The following PALM2AKAP2 variants were observed in gnomAD, a reference collection of about 807,000 sequenced individuals.
PALM2AKAP2 encodes the protein PALM2 and AKAP2 fusion, also known as PALM2-AKAP2 fusion protein.
Under a neutral mutation model 71.5 loss-of-function variants are expected in PALM2AKAP2, and 37 were observed. That is an observed-to-expected ratio of 0.52 (90% CI 0.40 to 0.68). PALM2AKAP2 has a LOEUF of 0.68. Ranked by LOEUF, PALM2AKAP2 falls within the 30% of genes least tolerant of loss-of-function variation. PALM2AKAP2 has a pLI of 0.00. For missense variants in PALM2AKAP2, 1,224 were observed against 1,191.8 expected, an observed-to-expected ratio of 1.03 and a Z score of -0.40; for synonymous variants, 468 against 478.8, an observed-to-expected ratio of 0.98 and a Z score of 0.29.
chr9:109,679,244 G>T (rs928585957), intron 1 of PALM2AKAP2, among the ~76,000 whole-genome samples: 7 of 152,214 alleles, frequency 4.6e-5, no homozygotes, highest in African/African-American at 1.7e-4. Flanking sequence ...GGTATTCTCA[G>T]AAATAGCTGT....
At chr9:109,943,700 G>A (rs527864982) in intron 6 of PALM2AKAP2, 2 of 389,352 alleles carry the variant, frequency 5.1e-6, no homozygotes, top group South Asian at 4.3e-5. Flanking sequence ...CGATTGGAAT[G>A]GACTCTTCGT....
intron 1 of PALM2AKAP2, among the ~76,000 whole-genome samples, chr9:109,717,691 C>A (rs1421707254): frequency 6.6e-6 from 1 of 152,238 alleles, no homozygotes; most frequent in Admixed American, 6.5e-5. Context: ...GGCTCACAAG[C>A]CCAGCAGGAG....
chr9:109,958,718 A>G (rs1831794859), intron 6 of PALM2AKAP2, among the ~76,000 whole-genome samples: 2 of 152,072 alleles, frequency 1.3e-5, no homozygotes, highest in South Asian at 4.2e-4. Flanking sequence ...AGGAAGGAAA[A>G]GAAAGAGAAA....
chr9:109,804,155 C>T (rs149696368), intron 1 of PALM2AKAP2, among the ~76,000 whole-genome samples: 8 of 152,286 alleles, frequency 5.3e-5, no homozygotes, highest in Non-Finnish European at 8.8e-5. Flanking sequence ...GAGATCATCA[C>T]CTGCCTGGAT....
chr9:109,886,808 G>A (rs1476974947), intron 3 of PALM2AKAP2, among the ~76,000 whole-genome samples: 1 of 152,192 alleles, frequency 6.6e-6, no homozygotes, highest in African/African-American at 2.4e-5. Flanking sequence ...TTTTGGAAAC[G>A]GGTCAGAGTG....
chr9:109,928,644 A>G (rs558098144), intron 5 of PALM2AKAP2, among the ~76,000 whole-genome samples: 94 of 148,002 alleles, frequency 6.4e-4, no homozygotes, highest in Non-Finnish European at 1.2e-3. Flanking sequence ...CTGATGCCCC[A>G]TTCTCCACTC....
chr9:109,869,745 T>G (rs1235918383), intron 2 of PALM2AKAP2, among the ~76,000 whole-genome samples: 1 of 152,124 alleles, frequency 6.6e-6, no homozygotes, highest in Non-Finnish European at 1.5e-5. Context: ...TCTCAAGGAC[T>G]TGGAAACAAG....
intron 1 of PALM2AKAP2, among the ~76,000 whole-genome samples, chr9:109,814,774 A>G (rs1827810730): frequency 6.6e-6 from 1 of 152,220 alleles, no homozygotes; most frequent in African/African-American, 2.4e-5. Context: ...TCAACCATTA[A>G]GCTATATCAT....
chr9:109,842,477 C>T (rs987632695), intron 1 of PALM2AKAP2, among the ~76,000 whole-genome samples: 1 of 152,170 alleles, frequency 6.6e-6, no homozygotes, highest in African/African-American at 2.4e-5. Context: ...ACGCAGAATA[C>T]ATTATCCAGC....
intron 1 of PALM2AKAP2, among the ~76,000 whole-genome samples, chr9:109,827,061 T>C (rs1233256038): frequency 6.6e-6 from 1 of 152,216 alleles, no homozygotes. Flanking sequence ...CTTTCTGAAC[T>C]CAAGTTAGTG....
At position 110,119,341 on chromosome 9, in the gene PALM2AKAP2, C is replaced by CA. The variant is rs200861093; in HGVS notation, c.157-16767dup. On this transcript the variant is annotated intron_variant, in intron 1 of 3. Coordinates refer to ENST00000374525, the Ensembl canonical transcript of PALM2AKAP2. ...CTGGTGACAGAGCGAGACTCCATCT[C>CA]AAAAAAAAAAAAAAAAAAAGAAAAG... 5.2e-3 allele frequency among the ~76,000 whole-genome samples: 459 copies of CA among 88,554 alleles called. 5 individuals are homozygous for CA. The highest frequency in any genetic ancestry group is 0.019 in the South Asian group (50 of 2,572). The allele number at this position is 88,554 out of a possible 152,430, so 58.1% of individuals were successfully genotyped here.
chr9:110,090,512 A>G (rs1307704547), intron 1 of PALM2AKAP2: 3 of 448,738 alleles, frequency 6.7e-6, no homozygotes, highest in Non-Finnish European at 1.4e-5. Flanking sequence ...TTTCTCTTTT[A>G]TTCTTCAGGG....
At chr9:110,136,514 C>T (rs754058728) in exon 2 of PALM2AKAP2, 2 of 1,613,770 alleles carry the variant, frequency 1.2e-6, no homozygotes, top group Non-Finnish European at 8.5e-7. Context: ...CCTAAGCCCC[C>T]CTGTCCACGA....
intron 1 of PALM2AKAP2, among the ~76,000 whole-genome samples, chr9:109,833,930 T>C (rs990759232): frequency 1.3e-5 from 2 of 152,194 alleles, no homozygotes; most frequent in African/African-American, 4.8e-5. Flanking sequence ...AGTCATTTGA[T>C]GGCCGGGCAC....
intron 7 of PALM2AKAP2, among the ~76,000 whole-genome samples, chr9:110,022,472 T>C (rs879790486): frequency 5.3e-5 from 8 of 152,182 alleles, no homozygotes; most frequent in Admixed American, 3.3e-4. Flanking sequence ...ACTTCTCCCT[T>C]GATCTTCCTG....
At chr9:109,745,701 C>T (rs1474548749) in intron 1 of PALM2AKAP2, among the ~76,000 whole-genome samples, 2 of 152,260 alleles carry the variant, frequency 1.3e-5, no homozygotes, top group Non-Finnish European at 1.5e-5. Context: ...ACAATAACGA[C>T]GTCTGGGAAG....
At chr9:109,706,969 T>C (rs920930803) in intron 1 of PALM2AKAP2, among the ~76,000 whole-genome samples, 2 of 152,230 alleles carry the variant, frequency 1.3e-5, no homozygotes, top group Admixed American at 6.5e-5. Context: ...ATTTAGATTA[T>C]GGTGGTGGTT....
chr9:109,759,453 A>G (rs1364259197), intron 1 of PALM2AKAP2, among the ~76,000 whole-genome samples: 1 of 152,180 alleles, frequency 6.6e-6, no homozygotes, highest in Non-Finnish European at 1.5e-5. Flanking sequence ...TTTAGTCTCC[A>G]GCAAATGCAT....
intron 1 of PALM2AKAP2, among the ~76,000 whole-genome samples, chr9:109,803,472 C>T (rs1827489258): frequency 6.6e-6 from 1 of 152,252 alleles, no homozygotes; most frequent in African/African-American, 2.4e-5. Context: ...AAACTAGGAG[C>T]CCTCAAGATC....
Sources: gnomAD v4.1 joint callset for allele counts (sites outside exome capture counted in the v4.1 genomes callset) on GRCh38, gnomAD v4.1.1 for gene constraint, MANE v1.5 for transcripts, NCBI Gene and HGNC (gene_info 2026-07-23, HGNC 2026-07-21) for gene names.